Variants in ADAM32 observed in about 807,000 individuals in gnomAD.
The protein encoded by ADAM32 is disintegrin and metalloproteinase domain-containing protein 32.
In ADAM32, 89 loss-of-function variants were observed where a neutral mutation model predicts 114.9. The observed-to-expected ratio is 0.77, with a 90% CI of 0.65 to 0.92. The LOEUF (loss-of-function observed/expected upper bound fraction) is 0.92, where lower values mean the gene tolerates loss of function less well. ADAM32 is among the 40% of genes least tolerant of loss of function. The pLI is 0.00. For missense variants in ADAM32, 870 were observed against 932.8 expected (o/e 0.93, Z 0.88); for synonymous variants, 285 against 307.5 (o/e 0.93, Z 0.77).
At chr8:39,270,821 T>C in intron 19 of ADAM32, 55 bp from the exon 20 acceptor site, 1 of 1,406,680 alleles carries the variant, frequency 7.1e-7, no homozygotes, top group Non-Finnish European at 1.0e-6. Context: ...TTTTAATTCA[T>C]GAAGTTGGCA....
intron 11 of ADAM32, among the ~76,000 whole-genome samples, chr8:39,201,466 C>T (rs1437577549): frequency 1.3e-5 from 2 of 151,704 alleles, no homozygotes; most frequent in Non-Finnish European, 2.9e-5. Context: ...GTGATTTTTG[C>T]ACATTGATTT....
At chr8:39,245,389 G>C (rs1810841484) in intron 16 of ADAM32, among the ~76,000 whole-genome samples, 1 of 152,090 alleles carries the variant, frequency 6.6e-6, no homozygotes, top group African/African-American at 2.4e-5. Flanking sequence ...CAACATCTCA[G>C]AAATCACTAC....
At chr8:39,235,540 A>G (rs1161385902) in intron 16 of ADAM32, among the ~76,000 whole-genome samples, 2 of 152,200 alleles carry the variant, frequency 1.3e-5, no homozygotes, top group African/African-American at 2.4e-5. Flanking sequence ...CACAACCAAT[A>G]AAGTCTTTGA....
intron 10 of ADAM32, among the ~76,000 whole-genome samples, chr8:39,185,346 A>AAAAAAAAAAC (rs71218315): frequency 1.1e-3 from 167 of 146,546 alleles, no homozygotes; most frequent in Non-Finnish European, 6.4e-4. Flanking sequence ...AGTCTACAAA[A>AAAAAAAAAAC]AAAAAACAAA....
rs78273135 is a variant in ADAM32, at chr8:39,135,572, T to C, written c.139-1085T>C. Among the ~76,000 whole-genome samples, 436 of 152,286 alleles carry C rather than the reference T, an allele frequency of 2.9e-3. 4 individuals carry two copies. The highest frequency in any genetic ancestry group is 0.01 in the African/African-American group (416 of 41,568). The stretch of plus-strand genomic sequence containing the variant: ...GATACATTACTAGTAAGGAAACTAC[T>C]TTCTTTGGATTTCTGGATTTCAACT... On this transcript the variant is annotated intron_variant, in intron 2 of 24. Coordinates refer to ENST00000379907, the MANE Select transcript of ADAM32 (RefSeq NM_145004.7).
intron 11 of ADAM32, among the ~76,000 whole-genome samples, chr8:39,192,130 C>T (rs1806652321): frequency 6.6e-6 from 1 of 152,096 alleles, no homozygotes; most frequent in South Asian, 2.1e-4. Flanking sequence ...TTGTATGTGT[C>T]CCAGAATTTA....
chr8:39,193,386 C>T (rs1330420934), intron 11 of ADAM32, among the ~76,000 whole-genome samples: 1 of 152,158 alleles, frequency 6.6e-6, no homozygotes. Flanking sequence ...ACTATTTTGT[C>T]TGTCAGCTCC....
chr8:39,119,424 G>A (rs1160900955), intron 2 of ADAM32, among the ~76,000 whole-genome samples: 1 of 152,174 alleles, frequency 6.6e-6, no homozygotes, highest in Non-Finnish European at 1.5e-5. Flanking sequence ...GAGTGTAGTG[G>A]TATGTAATTG....
At chr8:39,124,439 A>G (rs1481739257) in intron 2 of ADAM32, among the ~76,000 whole-genome samples, 1 of 144,234 alleles carries the variant, frequency 6.9e-6, no homozygotes, top group Non-Finnish European at 1.5e-5. Context: ...TATTTTTGAG[A>G]CGGAGTCTTG....
intron 19 of ADAM32, among the ~76,000 whole-genome samples, chr8:39,266,042 G>A (rs1480288278): frequency 3.3e-5 from 5 of 152,198 alleles, no homozygotes; most frequent in Non-Finnish European, 7.4e-5. Context: ...CTGCTAGCCT[G>A]TTGGGGTTCC....
At chr8:39,149,923 A>T in intron 5 of ADAM32, 56 bp downstream of exon 5, 1 of 1,437,034 alleles carries the variant, frequency 7.0e-7, no homozygotes, top group Non-Finnish European at 9.7e-7. Flanking sequence ...GGCTGCAGTG[A>T]ATTTGTTCTC....
At chr8:39,248,193 A>G (rs1172411545) in intron 17 of ADAM32, among the ~76,000 whole-genome samples, 1 of 152,132 alleles carries the variant, frequency 6.6e-6, no homozygotes, top group Non-Finnish European at 1.5e-5. Flanking sequence ...CCTCCATAGA[A>G]ACTTTAGAAT....
At chr8:39,150,535 ATAT>A (rs1803760355) in intron 5 of ADAM32, among the ~76,000 whole-genome samples, 2 of 152,264 alleles carry the variant, frequency 1.3e-5, no homozygotes, top group South Asian at 2.1e-4. Context: ...TTTTCTGATG[ATAT>A]TATTATCTTG....
upstream of ADAM32, chr8:39,107,553 G>T: frequency 1.5e-6 from 2 of 1,305,476 alleles, no homozygotes; most frequent in Non-Finnish European, 2.0e-6. Context: ...CCACGCGGCT[G>T]GGGTGCGCCG....
intron 10 of ADAM32, among the ~76,000 whole-genome samples, chr8:39,181,916 G>A (rs1253393026): frequency 6.6e-6 from 1 of 152,194 alleles, no homozygotes; most frequent in Non-Finnish European, 1.5e-5. Flanking sequence ...TGAAACATAA[G>A]AATGAGTGGC....
At chr8:39,186,703 A>G (rs1806266213) in intron 10 of ADAM32, among the ~76,000 whole-genome samples, 1 of 152,246 alleles carries the variant, frequency 6.6e-6, no homozygotes, top group African/African-American at 2.4e-5. Flanking sequence ...TTGTTAAATT[A>G]TCACAAAGCT....
chr8:39,257,527 A>G (rs560228121), intron 19 of ADAM32, among the ~76,000 whole-genome samples, 184 bp downstream of exon 19: 21 of 152,214 alleles, frequency 1.4e-4, no homozygotes, highest in African/African-American at 5.1e-4. Flanking sequence ...AAGATTTGGA[A>G]GTGTAATTTA....
At chr8:39,117,551 G>C (rs759786201) in intron 1 of ADAM32, among the ~76,000 whole-genome samples, 23 of 151,632 alleles carry the variant, frequency 1.5e-4, no homozygotes, top group Non-Finnish European at 3.1e-4. Flanking sequence ...TTTTCTTAAA[G>C]TTCTTTTTTA....
At chr8:39,216,798 C>T (rs1343913352) in intron 12 of ADAM32, among the ~76,000 whole-genome samples, 2 of 143,852 alleles carry the variant, frequency 1.4e-5, no homozygotes, top group South Asian at 2.1e-4. Context: ...ATATATCGTA[C>T]TGACTATGTC....
Sources: gnomAD v4.1 joint callset for allele counts (sites outside exome capture counted in the v4.1 genomes callset) on GRCh38, gnomAD v4.1.1 for gene constraint, MANE v1.5 for transcripts, NCBI Gene and HGNC (gene_info 2026-07-23, HGNC 2026-07-21) for gene names.